FSD1: variants seen among roughly 807,000 people sequenced by gnomAD.
FSD1 encodes the protein fibronectin type III and SPRY domain containing 1, also known as fibronectin type III and SPRY domain-containing protein 1.
A neutral mutation model predicts 58.2 loss-of-function variants in FSD1; 23 were observed. The ratio of observed to expected loss-of-function variants is 0.40; its 90% CI spans 0.28 to 0.56. The LOEUF is 0.56. Among genes scored for constraint, FSD1 ranks in the 20% least tolerant of loss-of-function variants. The probability of loss-of-function intolerance (pLI) is 0.54; values close to 1 mark genes in which losing one functional copy is unlikely to be tolerated. For synonymous variants in FSD1, 265 were observed against 263.4 expected (o/e 1.01, Z -0.06); for missense variants, 563 against 670.8 (o/e 0.84, Z 1.78).
rs770312605 is a variant in FSD1 at position 4,318,474 on chromosome 19, C to T, written c.928C>T (p.Arg310Trp). ...IKAREKDGKG[R>W]TASPINSPAR... ...GGCTCGCGAGAAAGATGGCAAGGGG[C>T]GGACGGCGTCTCCCATCAACTCCCC... Residue 310 changes from arginine to tryptophan, a missense_variant, in exon 9 of 13, where the codon CGG becomes TGG. Coordinates refer to ENST00000221856, the MANE Select transcript of FSD1 (RefSeq NM_024333.3). The T allele has an allele frequency of 1.8e-5, 29 of 1,612,314 alleles. No individual in the cohort carries two copies. The highest frequency in any genetic ancestry group is 9.4e-5 in the African/African-American group (7 of 74,828).
intron 10 of FSD1, among the ~76,000 whole-genome samples, chr19:4,321,638 T>C (rs1971819881): frequency 6.7e-6 from 1 of 148,708 alleles, no homozygotes; most frequent in Non-Finnish European, 1.5e-5. Context: ...GACTGAGGCA[T>C]ATCTGAAGGG....
intron 4 of FSD1, among the ~76,000 whole-genome samples, chr19:4,309,593 G>C (rs1375701967): frequency 2.0e-5 from 3 of 152,192 alleles, no homozygotes; most frequent in South Asian, 2.1e-4. Context: ...CATGTCTGTA[G>C]AGTGGCTTTA....
intron 10 of FSD1, among the ~76,000 whole-genome samples, chr19:4,321,591 G>T (rs1288749538): frequency 6.7e-6 from 1 of 148,474 alleles, no homozygotes; most frequent in Non-Finnish European, 1.5e-5. Flanking sequence ...TGGGAGGAAT[G>T]GCTCAAGCCA....
In FSD1 at chr19:4,323,640, C is replaced by G. The variant is rs1971732827; in HGVS notation, c.1488C>G (p.Thr496=). 1 of 1,609,098 alleles carries G rather than the reference C, an allele frequency of 6.2e-7. No individual in the cohort carries two copies. The highest frequency in any genetic ancestry group is 8.5e-7 in the Non-Finnish European group (1 of 1,176,558). Residue 496 remains threonine (T), a synonymous_variant, in exon 13 of 13, where the codon ACC becomes ACG. Coordinates refer to ENST00000221856, the MANE Select transcript of FSD1 (RefSeq NM_024333.3). The surrounding 1 kb of genome is among the most constrained non-coding windows in gnomAD (Gnocchi z 7.7). ...CCAGCAGCTCCAACACCAGCCTCAC[C>G]TAGGCCCCCAGGCACCCACCCAGCT... ...SATSSSNTSL[T]
rs1486655771 is a variant in FSD1, at chr19:4,307,904, G to A, written c.266G>A (p.Arg89Gln). The A allele has an allele frequency of 3.1e-6, 5 of 1,613,492 alleles. No individual in the cohort carries two copies. In the South Asian group the frequency reaches 3.3e-5, roughly 11 times the overall value. Residue 89 changes from arginine to glutamine, a missense_variant, in exon 4 of 13, where the codon CGG becomes CAG. Arg to Gln is a conservative substitution (Grantham distance 43). Transcript: ENST00000221856. ...CAGAACCAGCTGGCTGCCTGCACGC[G>A]GGCCCTGGAGAGCTCCGAGGAGCTT... is the stretch of plus-strand genomic sequence containing the variant. ...ELQNQLAACT[R>Q]ALESSEELLE... is the part of the protein sequence containing the mutation.
chr19:4,319,101 A>G (rs1231979134), intron 10 of FSD1, 150 bp downstream of exon 10: 2 of 660,362 alleles, frequency 3.0e-6, no homozygotes, highest in Non-Finnish European at 5.5e-6. Flanking sequence ...GCACTGCCCA[A>G]ATGGAAATAT....
At position 4,318,488 on chromosome 19, in the gene FSD1, C is replaced by A; in HGVS notation, c.942C>A (p.Pro314=). ...EKDGKGRTAS[P]INSPARGTPS... is the part of the protein sequence containing the mutation. ...ATGGCAAGGGGCGGACGGCGTCTCC[C>A]ATCAACTCCCCAGCCAGGTAGCCTG... Residue 314 remains proline (P), a synonymous_variant, in exon 9 of 13, where the codon CCC becomes CCA. Coordinates refer to ENST00000221856, the MANE Select transcript of FSD1 (RefSeq NM_024333.3). 6.2e-7 allele frequency: 1 copy of A among 1,609,856 alleles called. No homozygotes were observed. Among genetic ancestry groups the A allele is most frequent in the Non-Finnish European group, 8.5e-7 (1 of 1,177,926 alleles).
intron 3 of FSD1, 44 bp from the exon 4 acceptor site, chr19:4,307,838 C>T: frequency 6.8e-7 from 1 of 1,479,206 alleles, no homozygotes; most frequent in Non-Finnish European, 9.4e-7. Flanking sequence ...GGGCCTGAGG[C>T]AGTGGGGTGA....
In FSD1 at chr19:4,306,034, A is replaced by C. The variant is rs768849275; in HGVS notation, c.104A>C (p.Asn35Thr). Residue 35 changes from asparagine to threonine, a missense_variant, in exon 2 of 13, where the codon AAC becomes ACC. Physicochemically the swap from Asn to Thr is moderately conservative, Grantham distance 65. Transcript: ENST00000221856. ...FIYSLKQMLL[N>T]VEANSAKVQE... is the part of the protein sequence containing the mutation. ...TACTCCCTGAAACAGATGCTGCTGAACGTGGAGGTGAAGGCGGTGGGGCAG... is the reference window on the plus strand; with the variant it reads ...TACTCCCTGAAACAGATGCTGCTGACCGTGGAGGTGAAGGCGGTGGGGCAG... 3 of 1,613,568 alleles carry C rather than the reference A, an allele frequency of 1.9e-6. No homozygotes were observed. The highest frequency in any genetic ancestry group is 8.5e-7 in the Non-Finnish European group (1 of 1,179,652).
chr19:4,311,775 C>T, intron 6 of FSD1, 67 bp from the exon 7 acceptor site: 1 of 1,472,888 alleles, frequency 6.8e-7, no homozygotes, highest in East Asian at 2.3e-5. Context: ...GGCAGCCCTG[C>T]AGCAAGCCCC....
intron 8 of FSD1, among the ~76,000 whole-genome samples, chr19:4,317,842 C>A (rs1489022833): frequency 6.6e-6 from 1 of 152,114 alleles, no homozygotes; most frequent in Non-Finnish European, 1.5e-5. Flanking sequence ...TATGGTGAAA[C>A]CCCGTCTCTA....
chr19:4,321,288 A>G (rs1971814670), intron 10 of FSD1, among the ~76,000 whole-genome samples: 1 of 142,408 alleles, frequency 7.0e-6, no homozygotes, highest in Non-Finnish European at 1.5e-5. Flanking sequence ...CTGGAGGGGA[A>G]TAGCTGGGAC....
At chr19:4,321,992 G>C (rs1178782199) in intron 10 of FSD1, among the ~76,000 whole-genome samples, 1 of 150,182 alleles carries the variant, frequency 6.7e-6, no homozygotes, top group African/African-American at 2.5e-5. Context: ...GGAGTATCTG[G>C]GAGGAATAAC....
intron 7 of FSD1, 112 bp downstream of exon 7, chr19:4,312,163 G>T (rs1425541843): frequency 7.3e-6 from 7 of 962,346 alleles, no homozygotes; most frequent in Admixed American, 2.2e-5. Context: ...AGCTCATGGG[G>T]TCTGGAAGCA....
intron 10 of FSD1, among the ~76,000 whole-genome samples, chr19:4,320,056 A>T (rs1227593303): frequency 6.6e-6 from 1 of 152,056 alleles, no homozygotes; most frequent in Non-Finnish European, 1.5e-5. Context: ...ATCCCAATTC[A>T]GAGGGTTCCT....
chr19:4,304,920 CT>C (rs1971600134), intron 1 of FSD1, among the ~76,000 whole-genome samples, 159 bp downstream of exon 1: 1 of 147,132 alleles, frequency 6.8e-6, no homozygotes, highest in East Asian at 2.1e-4. Context: ...TCTAGCCCCC[CT>C]ACCCCAGTTT....
Position 4,310,458 on chromosome 19 carries a change from C to T in FSD1, c.369-17C>T, listed in dbSNP as rs1290795855. 6 of 1,607,646 alleles carry T rather than the reference C, an allele frequency of 3.7e-6. No homozygotes were observed. The highest frequency in any genetic ancestry group is 1.3e-5 in the African/African-American group (1 of 74,950). On this transcript the variant is annotated splice_polypyrimidine_tract_variant and intron_variant, in intron 5 of 12. Transcript: ENST00000221856. Reference sequence around the variant, plus strand: ...GGCCTGGTCCCCCACGCAACGCCTGCCACCTCCTTCCTGCAGAGTGACCAT... The same window carrying T: ...GGCCTGGTCCCCCACGCAACGCCTGTCACCTCCTTCCTGCAGAGTGACCAT...
chr19:4,317,061 T>G, intron 7 of FSD1, 121 bp from the exon 8 acceptor site: 1 of 676,218 alleles, frequency 1.5e-6, no homozygotes, highest in Non-Finnish European at 2.7e-6. Context: ...CTGGATAAGA[T>G]GTTTATAAGG....
chr19:4,310,767 G>A (rs1971680970), intron 6 of FSD1, 171 bp downstream of exon 6: 3 of 677,008 alleles, frequency 4.4e-6, no homozygotes, highest in South Asian at 3.8e-5. Flanking sequence ...TTCTCATGGA[G>A]CCCCGCCCCT....
Sources: gnomAD v4.1 joint callset for allele counts (sites outside exome capture counted in the v4.1 genomes callset) on GRCh38, gnomAD v4.1.1 for gene constraint, Gnocchi (gnomAD v3.1) non-coding constraint, MANE v1.5 for transcripts, NCBI Gene and HGNC (gene_info 2026-07-23, HGNC 2026-07-21) for gene names.